Variants in ZNF804A observed in about 807,000 individuals in gnomAD.
ZNF804A encodes zinc finger protein 804A.
A neutral mutation model predicts 16.5 loss-of-function variants in ZNF804A; 2 were observed. That is an observed-to-expected ratio of 0.12 (90% confidence interval 0.05 to 0.38). ZNF804A has a LOEUF of 0.38. Ranked by LOEUF, ZNF804A falls within the 10% of genes least tolerant of loss-of-function variation. The probability of loss-of-function intolerance (pLI) is 0.99; values close to 1 mark genes in which losing one functional copy is unlikely to be tolerated. For synonymous variants in ZNF804A, 534 were observed against 489.6 expected (o/e 1.09, Z -1.20); for missense variants, 1,473 against 1,390.7 (o/e 1.06, Z -0.94).
intron 1 of ZNF804A, among the ~76,000 whole-genome samples, chr2:184,649,889 A>G (rs1025603637): frequency 2.0e-5 from 3 of 151,712 alleles, no homozygotes; most frequent in Admixed American, 1.3e-4. Context: ...CAGCAGAAGT[A>G]CAAAGACAAA....
chr2:184,775,335 G>A (rs1176244624), intron 1 of ZNF804A, among the ~76,000 whole-genome samples: 1 of 151,690 alleles, frequency 6.6e-6, no homozygotes, highest in African/African-American at 2.4e-5. Context: ...GCAATGATAT[G>A]AAACCACAAT....
At chr2:184,927,050 G>A (rs936019362) in intron 2 of ZNF804A, among the ~76,000 whole-genome samples, 1 of 152,142 alleles carries the variant, frequency 6.6e-6, no homozygotes, top group Non-Finnish European at 1.5e-5. Context: ...TTCCTGGTTG[G>A]TCTTAATACT....
intron 1 of ZNF804A, among the ~76,000 whole-genome samples, chr2:184,776,651 A>G (rs1694289323): frequency 6.6e-6 from 1 of 151,514 alleles, no homozygotes; most frequent in African/African-American, 2.4e-5. Flanking sequence ...TGGGAAATGT[A>G]ATTAGTTCGC....
chr2:184,649,968 G>A (rs1371925625), intron 1 of ZNF804A, among the ~76,000 whole-genome samples: 2 of 151,812 alleles, frequency 1.3e-5, no homozygotes, highest in Non-Finnish European at 1.5e-5. Context: ...TATAAATCCA[G>A]CACCACCCTT....
At chr2:184,756,977 T>G (rs1693968916) in intron 1 of ZNF804A, among the ~76,000 whole-genome samples, 1 of 152,058 alleles carries the variant, frequency 6.6e-6, no homozygotes, top group Admixed American at 6.6e-5. Context: ...AGTTATTTTA[T>G]GTAGGTTTAA....
intron 1 of ZNF804A, among the ~76,000 whole-genome samples, chr2:184,806,080 G>A (rs554128967): frequency 1.3e-4 from 20 of 151,792 alleles, no homozygotes; most frequent in Admixed American, 7.9e-4. Context: ...TTGTTTCCCC[G>A]GGATATTTAT....
Position 184,828,431 on chromosome 2 carries a change from C to G in ZNF804A, c.112-37938C>G, listed in dbSNP as rs141117213. On this transcript the variant is annotated intron_variant, in intron 1 of 3. Transcript: ENST00000302277. The stretch of plus-strand genomic sequence containing the variant: ...CTCCATGTTTCCAAAAGGAATAATG[C>G]TTTACTCTTTTAATTTTGATGGTCA... Among the ~76,000 whole-genome samples the G allele has an allele frequency of 2.5e-3, 380 of 151,814 alleles. 1 individual carries two copies. The highest frequency in any genetic ancestry group is 8.6e-3 in the African/African-American group (359 of 41,508).
chr2:184,715,971 G>T (rs1009575716), intron 1 of ZNF804A, among the ~76,000 whole-genome samples: 1 of 152,050 alleles, frequency 6.6e-6, no homozygotes, highest in Non-Finnish European at 1.5e-5. Flanking sequence ...ATTGTTTCAC[G>T]CCAACAGGTC....
At chr2:184,647,279 A>G (rs1396663537) in intron 1 of ZNF804A, among the ~76,000 whole-genome samples, 1 of 152,222 alleles carries the variant, frequency 6.6e-6, no homozygotes, top group Non-Finnish European at 1.5e-5. Context: ...CAAAGCTTGT[A>G]ATTGCCGTTA....
chr2:184,789,346 G>A lies in ZNF804A; in HGVS notation c.112-77023G>A, dbSNP rs145244323. ...TTTGTGTAAGGATGACACCTAATTCGTAGAATGAGTTAAAGAAAGATGTTT... is the reference window on the plus strand; with the variant it reads ...TTTGTGTAAGGATGACACCTAATTCATAGAATGAGTTAAAGAAAGATGTTT... On this transcript the variant is annotated intron_variant, in intron 1 of 3. Coordinates refer to ENST00000302277, the MANE Select transcript of ZNF804A (RefSeq NM_194250.2). Among the ~76,000 whole-genome samples, 474 of 152,066 alleles carry A rather than the reference G, an allele frequency of 3.1e-3. 1 individual carries two copies. Among genetic ancestry groups the A allele is most frequent in the African/African-American group, 0.011 (450 of 41,526 alleles).
chr2:184,674,418 A>T (rs1459220892), intron 1 of ZNF804A, among the ~76,000 whole-genome samples: 5 of 152,100 alleles, frequency 3.3e-5, no homozygotes, highest in Non-Finnish European at 7.4e-5. Context: ...AAGAAACACA[A>T]GCAGAAAATC....
chr2:184,706,976 G>A (rs566313058), intron 1 of ZNF804A, among the ~76,000 whole-genome samples: 1 of 152,242 alleles, frequency 6.6e-6, no homozygotes, highest in South Asian at 2.1e-4. Flanking sequence ...CTTATCAGGA[G>A]TCCTTATGTG....
chr2:184,716,980 A>G (rs1693224846), intron 1 of ZNF804A, among the ~76,000 whole-genome samples: 1 of 152,068 alleles, frequency 6.6e-6, no homozygotes, highest in South Asian at 2.1e-4. Context: ...AACACCCTGG[A>G]AGAGCCTAGG....
At position 184,618,815 on chromosome 2, in the gene ZNF804A, A is replaced by G. The variant is rs370734105; in HGVS notation, c.111+19745A>G. Among the ~76,000 whole-genome samples, 8 of 152,260 alleles carry G rather than the reference A, an allele frequency of 5.3e-5. No homozygotes were observed. The East Asian group carries it at 9.6e-4, about 18-fold the overall frequency. ...ATTATTGTTTCTTCCATTTAAAGGAATAAGATAAGCAAAGCTGCCCATTTT... is the reference window on the plus strand; with the variant it reads ...ATTATTGTTTCTTCCATTTAAAGGAGTAAGATAAGCAAAGCTGCCCATTTT... On this transcript the variant is annotated intron_variant, in intron 1 of 3. Transcript: ENST00000302277.
At position 184,599,004 on chromosome 2, in the gene ZNF804A, C is replaced by A. The variant is rs1206116982; in HGVS notation, c.45C>A (p.Asn15Lys). ...TCATCAGCTCCACGCATCTCAGCAACGGACACTTTCGCAACATCAAGGGAG... is the reference window on the plus strand; with the variant it reads ...TCATCAGCTCCACGCATCTCAGCAAAGGACACTTTCGCAACATCAAGGGAG... ...YIVISSTHLSNGHFRNIKGVF... is the reference protein window; with the variant it reads ...YIVISSTHLSKGHFRNIKGVF... Residue 15 changes from asparagine to lysine, a missense_variant, in exon 1 of 4, where the codon AAC (asparagine) becomes AAA (lysine). Asn to Lys is a moderately conservative substitution (Grantham distance 94, BLOSUM62 0). Coordinates refer to ENST00000302277, the MANE Select transcript of ZNF804A (RefSeq NM_194250.2). The A allele has an allele frequency of 4.3e-6, 7 of 1,614,074 alleles. No homozygotes were observed. Among genetic ancestry groups the A allele is most frequent in the East Asian group, 2.2e-5 (1 of 44,866 alleles).
chr2:184,820,824 A>G (rs1436889500), intron 1 of ZNF804A, among the ~76,000 whole-genome samples: 3 of 152,178 alleles, frequency 2.0e-5, no homozygotes, highest in East Asian at 3.9e-4. Flanking sequence ...CAACTGCTAC[A>G]AAAATAATAA....
chr2:184,696,272 G>T (rs886392436), intron 1 of ZNF804A, among the ~76,000 whole-genome samples: 1 of 152,150 alleles, frequency 6.6e-6, no homozygotes, highest in South Asian at 2.1e-4. Context: ...ATTGCATTAT[G>T]TGTTAAGGAA....
intron 2 of ZNF804A, among the ~76,000 whole-genome samples, chr2:184,923,964 T>G (rs1192508774): frequency 1.3e-5 from 2 of 151,748 alleles, no homozygotes. Context: ...TTGTTGAGGA[T>G]TTTTGTATCA....
intron 1 of ZNF804A, among the ~76,000 whole-genome samples, chr2:184,620,718 G>A (rs1691404130): frequency 6.6e-6 from 1 of 151,622 alleles, no homozygotes; most frequent in South Asian, 2.1e-4. Context: ...CATATGGAAG[G>A]CAAAAAATTG....
Sources: allele counts gnomAD v4.1 joint callset (sites outside exome capture counted in the v4.1 genomes callset), GRCh38; gene constraint gnomAD v4.1.1; transcripts MANE v1.5; gene names NCBI Gene and HGNC (gene_info 2026-07-23, HGNC 2026-07-21).